Variants in PIK3C2G observed in about 807,000 individuals in gnomAD.
PIK3C2G encodes the protein phosphatidylinositol 3-kinase C2 domain-containing subunit gamma.
In PIK3C2G, 168 loss-of-function variants were observed where a neutral mutation model predicts 181.1. The observed-to-expected ratio is 0.93, with a 90% CI of 0.82 to 1.05. PIK3C2G has a LOEUF of 1.05. Among genes scored for constraint, PIK3C2G ranks in the 50% least tolerant of loss-of-function variants. The probability of loss-of-function intolerance (pLI) is 0.00; values close to 1 mark genes in which losing one functional copy is unlikely to be tolerated. For synonymous variants in PIK3C2G, 573 were observed against 592.2 expected (o/e 0.97, Z 0.47); for missense variants, 1,869 against 1,732.8 (o/e 1.08, Z -1.40).
At chr12:18,577,954 T>A (rs559407759) in intron 29 of PIK3C2G, among the ~76,000 whole-genome samples, 1 of 152,320 alleles carries the variant, frequency 6.6e-6, no homozygotes, top group African/African-American at 2.4e-5. Flanking sequence ...ATTCAACAAA[T>A]GTTTATTGAT....
chr12:18,267,942 C>T (rs556188763), intron 1 of PIK3C2G, among the ~76,000 whole-genome samples: 6 of 152,258 alleles, frequency 3.9e-5, no homozygotes, highest in East Asian at 1.9e-4. Context: ...AGTCTTAGAA[C>T]GCATGTAGAA....
intron 6 of PIK3C2G, among the ~76,000 whole-genome samples, chr12:18,317,759 C>G (rs1950931334): frequency 6.6e-6 from 1 of 152,112 alleles, no homozygotes; most frequent in South Asian, 2.1e-4. Flanking sequence ...TATAAAAAAG[C>G]AAAAATTCTG....
chr12:18,313,905 C>T, intron 5 of PIK3C2G, 57 bp from the exon 6 acceptor site: 1 of 893,084 alleles, frequency 1.1e-6, no homozygotes, highest in Non-Finnish European at 1.8e-6. Flanking sequence ...GAGAGGAAAA[C>T]ATGTATTTGG....
At chr12:18,705,437 A>T in the PIK3C2G span, 1 of 1,258,628 alleles carries the variant, frequency 7.9e-7, no homozygotes, top group Non-Finnish European at 1.1e-6. Context: ...TTGCAAAATA[A>T]CTATTCTTTA....
At chr12:18,309,306 T>C (rs1312330363) in intron 5 of PIK3C2G, among the ~76,000 whole-genome samples, 2 of 151,834 alleles carry the variant, frequency 1.3e-5, no homozygotes, top group African/African-American at 4.8e-5. Flanking sequence ...TACTTTACCA[T>C]AAAATATCAA....
At chr12:18,607,127 A>G (rs1948071030) in intron 30 of PIK3C2G, 2 of 514,846 alleles carry the variant, frequency 3.9e-6, no homozygotes, top group Admixed American at 3.9e-5. Context: ...AGGAGAGTTC[A>G]GGGAAAGATG....
chr12:18,561,782 A>T (rs954682983), intron 26 of PIK3C2G, among the ~76,000 whole-genome samples: 2 of 152,022 alleles, frequency 1.3e-5, no homozygotes, highest in Non-Finnish European at 2.9e-5. Flanking sequence ...AGACAACAAA[A>T]ATAAAAACAC....
intron 18 of PIK3C2G, among the ~76,000 whole-genome samples, chr12:18,450,867 GTCAAAGA>G (rs1357711877): frequency 6.6e-6 from 1 of 152,134 alleles, no homozygotes; most frequent in African/African-American, 2.4e-5. Context: ...TGTCAGGTTT[GTCAAAGA>G]TCAGATGGTA....
chr12:18,306,798 TAAAG>T (rs1299459020), intron 5 of PIK3C2G, among the ~76,000 whole-genome samples: 7 of 151,976 alleles, frequency 4.6e-5, no homozygotes, highest in African/African-American at 1.4e-4. Flanking sequence ...TGAATTTTCT[TAAAG>T]AAATACCTTC....
chr12:18,356,371 T>C (rs1303588126), intron 11 of PIK3C2G, among the ~76,000 whole-genome samples: 5 of 152,070 alleles, frequency 3.3e-5, no homozygotes, highest in South Asian at 2.1e-4. Flanking sequence ...AACACGCCGG[T>C]GACTGGGTGT....
At chr12:18,404,422 A>G (rs1489310826) in intron 16 of PIK3C2G, among the ~76,000 whole-genome samples, 1 of 152,180 alleles carries the variant, frequency 6.6e-6, no homozygotes, top group East Asian at 1.9e-4. Flanking sequence ...TTATAGGGAG[A>G]GACTCAAGCT....
At chr12:18,577,753 A>C (rs1307483156) in intron 29 of PIK3C2G, among the ~76,000 whole-genome samples, 3 of 152,194 alleles carry the variant, frequency 2.0e-5, no homozygotes, top group African/African-American at 7.2e-5. Context: ...TTGATTTTGC[A>C]TAATGAATAT....
the PIK3C2G span, among the ~76,000 whole-genome samples, chr12:18,685,206 TC>T: frequency 1.0e-3 from 157 of 152,168 alleles, 3 homozygotes; most frequent in South Asian, 0.032. Context: ...GACTAAGTGC[TC>T]CTTTCAAAGT....
chr12:18,384,729 G>A (rs573976790), intron 14 of PIK3C2G, among the ~76,000 whole-genome samples: 5 of 152,144 alleles, frequency 3.3e-5, no homozygotes, highest in African/African-American at 4.8e-5. Context: ...TAGTGGCACC[G>A]ATTTCCACGT....
chr12:18,650,704 G>GTGTATATA (rs1950446696), downstream of PIK3C2G, among the ~76,000 whole-genome samples: 2 of 57,762 alleles, frequency 3.5e-5, no homozygotes, highest in African/African-American at 5.2e-5. Context: ...GTGTGTGTGT[G>GTGTATATA]TATATATCTA....
intron 1 of PIK3C2G, among the ~76,000 whole-genome samples, chr12:18,254,156 C>T (rs533512664): frequency 6.6e-6 from 1 of 151,964 alleles, no homozygotes; most frequent in East Asian, 1.9e-4. Flanking sequence ...TAAAAACCAA[C>T]CCTCTATTTT....
chr12:18,253,370 A>G (rs1565523317), intron 1 of PIK3C2G, among the ~76,000 whole-genome samples: 1 of 152,322 alleles, frequency 6.6e-6, no homozygotes, highest in East Asian at 1.9e-4. Flanking sequence ...AGACCTATAG[A>G]CAGTTGTTAA....
chr12:18,533,730 T>C (rs1039228574), intron 24 of PIK3C2G, among the ~76,000 whole-genome samples: 1 of 152,076 alleles, frequency 6.6e-6, no homozygotes, highest in Non-Finnish European at 1.5e-5. Context: ...ATAACTACAG[T>C]GTATATCTCC....
At chr12:18,336,904 G>A (rs533134931) in intron 8 of PIK3C2G, among the ~76,000 whole-genome samples, 65 of 152,196 alleles carry the variant, frequency 4.3e-4, no homozygotes, top group African/African-American at 1.4e-3. Flanking sequence ...AAGAAGCAAA[G>A]TATTATCCCA....
Sources: gnomAD v4.1 joint callset for allele counts (sites outside exome capture counted in the v4.1 genomes callset) on GRCh38, gnomAD v4.1.1 for gene constraint, MANE v1.5 for transcripts, NCBI Gene and HGNC (gene_info 2026-07-23, HGNC 2026-07-21) for gene names.